The following ACOT8 variants were observed in gnomAD, a reference collection of about 807,000 sequenced individuals.
The protein encoded by ACOT8 is acyl-CoA thioesterase 8.
In ACOT8, 31 loss-of-function variants were observed where a neutral mutation model predicts 38.4. The observed-to-expected ratio is 0.81, with a 90% CI of 0.61 to 1.09. The LOEUF (loss-of-function observed/expected upper bound fraction) is 1.09. Among genes scored for constraint, ACOT8 ranks in the 50% least tolerant of loss-of-function variants. The pLI is 0.00. For synonymous variants in ACOT8, 158 were observed against 170.3 expected (o/e 0.93, Z 0.56); for missense variants, 373 against 421.8 (o/e 0.88, Z 1.01).
At chr20:45,848,862 GGA>G (rs768656841) in intron 2 of ACOT8, 187 bp from the exon 3 acceptor site, 159 of 493,306 alleles carry the variant, frequency 3.2e-4, no homozygotes, top group Admixed American at 6.0e-4. Context: ...CTGTGCAGGT[GGA>G]GCTTTTCTCT....
At chr20:45,855,388 G>A in intron 1 of ACOT8, 96 bp from the exon 2 acceptor site, 1 of 1,477,750 alleles carries the variant, frequency 6.8e-7, no homozygotes, top group East Asian at 2.3e-5. Context: ...TCACCATATT[G>A]GGGTTTAAGA....
chr20:45,841,739 T>C lies in ACOT8; in HGVS notation c.*99A>G. On this transcript the variant is annotated 3_prime_UTR_variant, in exon 6 of 6. Coordinates refer to ENST00000217455, the MANE Select transcript of ACOT8 (RefSeq NM_005469.4). ...CAGCCACTCCAGTGGTATCAGTCTC[T>C]TTATTGGATGTGAGGGCCAAAAGGG... 1 of 1,447,932 alleles carries C rather than the reference T, an allele frequency of 6.9e-7. No individual in the cohort carries two copies. The highest frequency in any genetic ancestry group is 9.0e-7 in the Non-Finnish European group (1 of 1,107,066). The allele number at this position is 1,447,932 out of a possible 1,614,324, so 89.7% of individuals were successfully genotyped here. A position where few individuals can be genotyped will look rare whatever the true frequency, so the allele number is the denominator to read the frequency against.
At chr20:45,851,855 CAA>C (rs753139598) in intron 2 of ACOT8, among the ~76,000 whole-genome samples, 1 of 152,108 alleles carries the variant, frequency 6.6e-6, no homozygotes, top group Non-Finnish European at 1.5e-5. Flanking sequence ...AAACTAAAAA[CAA>C]AACAAAAACC....
chr20:45,851,214 C>T (rs994875228), intron 2 of ACOT8, among the ~76,000 whole-genome samples: 18 of 152,166 alleles, frequency 1.2e-4, no homozygotes, highest in South Asian at 2.1e-4. Flanking sequence ...GGCACTGCCA[C>T]CAGCAGCACT....
intron 2 of ACOT8, among the ~76,000 whole-genome samples, chr20:45,849,286 CT>C (rs1202321841): frequency 1.3e-5 from 2 of 151,740 alleles, no homozygotes; most frequent in South Asian, 2.1e-4. Context: ...AGCGCTTGTT[CT>C]TTTTTTTGTT....
rs755239318 is a variant in ACOT8 at position 45,857,168 on chromosome 20, G to C, written c.128+20C>G. 2 of 1,607,332 alleles carry C rather than the reference G, an allele frequency of 1.2e-6. No homozygotes were observed. The highest frequency in any genetic ancestry group is 4.5e-5 in the East Asian group (2 of 44,712). On this transcript the variant is annotated intron_variant, in intron 1 of 5. Transcript: ENST00000217455. Reference sequence around the variant, plus strand: ...TTTCTGCCCTAAAGGAGGGGATGCTGGGCAGGAGCTGCCGGCTACCTGAAG... The same window carrying C: ...TTTCTGCCCTAAAGGAGGGGATGCTCGGCAGGAGCTGCCGGCTACCTGAAG...
intron 2 of ACOT8, among the ~76,000 whole-genome samples, chr20:45,854,585 C>T (rs1188791841): frequency 6.6e-6 from 1 of 152,160 alleles, no homozygotes; most frequent in Non-Finnish European, 1.5e-5. Context: ...CTAAAATACC[C>T]TTGGTCCCAC....
At position 45,844,295 on chromosome 20, in the gene ACOT8, T is replaced by C. The variant is rs747853362; in HGVS notation, c.614A>G (p.Gln205Arg). Residue 205 changes from glutamine to arginine, a missense_variant, in exon 4 of 6, where the codon CAG becomes CGG. By Grantham distance (43) the Gln-to-Arg change is conservative. Coordinates refer to ENST00000217455, the MANE Select transcript of ACOT8 (RefSeq NM_005469.4). ...GCCCCGGGCTCGCACCCAGAACATC[T>C]GTTTGGGCTCCATTCTCTGCAGCTG... ...LSQLQRMEPK[Q>R]MFWVRARGYI... 6.1e-5 allele frequency: 99 copies of C among 1,614,030 alleles called. 1 individual carries two copies. The highest frequency in any genetic ancestry group is 1.3e-5 in the African/African-American group (1 of 74,916).
rs1050642882 is a variant in ACOT8 at position 45,857,342 on chromosome 20, A to G, written c.-27T>C. The G allele has an allele frequency of 1.3e-6, 2 of 1,575,424 alleles. No individual in the cohort carries two copies. Among genetic ancestry groups the G allele is most frequent in the Non-Finnish European group, 1.7e-6 (2 of 1,162,036 alleles). ...TAGTTCAATGCTGCAGGCCCTGCAC[A>G]CCCGCTCCGCGGAAGACGCGGAGAC... On this transcript the variant is annotated 5_prime_UTR_variant, in exon 1 of 6. Transcript: ENST00000217455.
chr20:45,843,252 TG>T (rs1423752728), intron 5 of ACOT8: 14 of 609,202 alleles, frequency 2.3e-5, no homozygotes, highest in African/African-American at 1.5e-4. Context: ...ATTTGCCTAT[TG>T]TAATACAAAG....
intron 4 of ACOT8, 28 bp downstream of exon 4, chr20:45,844,235 T>A (rs1984499954): frequency 6.2e-7 from 1 of 1,613,846 alleles, no homozygotes; most frequent in African/African-American, 1.3e-5. Flanking sequence ...TGGAGAGTGG[T>A]TTCCTCCCAT....
chr20:45,845,143 C>A lies in ACOT8; in HGVS notation c.489-723G>T, dbSNP rs143358342. On this transcript the variant is annotated intron_variant, in intron 3 of 5. Coordinates refer to ENST00000217455, the MANE Select transcript of ACOT8 (RefSeq NM_005469.4). ...TAGCTCTGTCACCCAGGCTTGAGTG[C>A]GGTGGTGCAATCTCAGCTGACTGCA... 6.3e-3 allele frequency among the ~76,000 whole-genome samples: 959 copies of A among 152,182 alleles called. 3 individuals carry two copies. Among genetic ancestry groups the A allele is most frequent in the Non-Finnish European group, 0.01 (701 of 68,014 alleles).
intron 1 of ACOT8, among the ~76,000 whole-genome samples, chr20:45,856,638 C>T (rs1249062264): frequency 6.6e-6 from 1 of 152,120 alleles, no homozygotes; most frequent in Non-Finnish European, 1.5e-5. Context: ...CGAGATCGCA[C>T]CACTGCACTC....
chr20:45,847,327 C>T (rs1280781774), intron 3 of ACOT8, among the ~76,000 whole-genome samples: 1 of 152,022 alleles, frequency 6.6e-6, no homozygotes, highest in African/African-American at 2.4e-5. Flanking sequence ...TCCTAAGTTG[C>T]TGGACCAGGG....
intron 3 of ACOT8, 24 bp downstream of exon 3, chr20:45,848,426 C>T: frequency 6.5e-7 from 1 of 1,543,638 alleles, no homozygotes; most frequent in Non-Finnish European, 8.8e-7. Flanking sequence ...GAAAAGTCTG[C>T]CATGGAGCCT....
chr20:45,855,057 G>A, intron 2 of ACOT8, 102 bp downstream of exon 2: 1 of 1,509,116 alleles, frequency 6.6e-7, no homozygotes, highest in East Asian at 2.3e-5. Flanking sequence ...CCCTCCCCTT[G>A]TCTTCCAGTC....
chr20:45,851,547 G>A (rs375873447), intron 2 of ACOT8, among the ~76,000 whole-genome samples: 2 of 152,292 alleles, frequency 1.3e-5, no homozygotes, highest in South Asian at 2.1e-4. Flanking sequence ...GCATATTGAA[G>A]GGAGTTAATG....
rs188110673 is a variant in ACOT8 at position 45,856,783 on chromosome 20, C to A, written c.128+405G>T. Among the ~76,000 whole-genome samples, 244 of 152,334 alleles carry A rather than the reference C, an allele frequency of 1.6e-3. 2 individuals are homozygous for A. The highest frequency in any genetic ancestry group is 5.7e-3 in the African/African-American group (238 of 41,580). Reference sequence around the variant, plus strand: ...ATAAGTAATGAGAAACCAGACCCACCAAATGGTACTGGGGGCGGGATATTG... The same window carrying A: ...ATAAGTAATGAGAAACCAGACCCACAAAATGGTACTGGGGGCGGGATATTG... On this transcript the variant is annotated intron_variant, in intron 1 of 5. Coordinates refer to ENST00000217455, the MANE Select transcript of ACOT8 (RefSeq NM_005469.4).
At chr20:45,849,414 G>A (rs77885779) in intron 2 of ACOT8, among the ~76,000 whole-genome samples, 2 of 150,338 alleles carry the variant, frequency 1.3e-5, no homozygotes, top group Non-Finnish European at 2.9e-5. Context: ...CCTCCTGAGT[G>A]GGGGGGGACT....
Sources: allele counts gnomAD v4.1 joint callset (sites outside exome capture counted in the v4.1 genomes callset), GRCh38; gene constraint gnomAD v4.1.1; transcripts MANE v1.5; gene names NCBI Gene and HGNC (gene_info 2026-07-23, HGNC 2026-07-21).